The following RYR2 variants were observed in gnomAD, a reference collection of about 807,000 sequenced individuals.
RYR2 encodes cardiac muscle ryanodine receptor-calcium release channel.
In RYR2, 227 loss-of-function variants were observed where a neutral mutation model predicts 601.1. The ratio of observed to expected loss-of-function variants is 0.38; its 90% CI spans 0.34 to 0.42. RYR2 has a LOEUF of 0.42. RYR2 is among the 10% of genes least tolerant of loss of function. The pLI is 1.00. For synonymous variants in RYR2, 2,223 were observed against 2,175.1 expected, an observed-to-expected ratio of 1.02 and a Z score of -0.61; for missense variants, 4,646 against 6,156.5, an observed-to-expected ratio of 0.75 and a Z score of 8.21.
chr1:237,465,701 C>T (rs1272626273), intron 16 of RYR2, among the ~76,000 whole-genome samples: 1 of 152,158 alleles, frequency 6.6e-6, no homozygotes, highest in African/African-American at 2.4e-5. Flanking sequence ...ACTGGATGGC[C>T]TACTGCGCGT....
intron 1 of RYR2, among the ~76,000 whole-genome samples, chr1:237,144,581 C>A (rs1673774629): frequency 6.6e-6 from 1 of 152,084 alleles, no homozygotes; most frequent in African/African-American, 2.4e-5. Context: ...ACATATATTT[C>A]AAAGAGATAA....
At chr1:237,616,646 C>CA (rs1306708364) in intron 37 of RYR2, among the ~76,000 whole-genome samples, 2 of 152,106 alleles carry the variant, frequency 1.3e-5, no homozygotes, top group African/African-American at 4.8e-5. Flanking sequence ...AGACCCTTAG[C>CA]AAACTTTCCC....
chr1:237,349,638 A>C (rs542267906), intron 3 of RYR2, among the ~76,000 whole-genome samples: 1 of 152,322 alleles, frequency 6.6e-6, no homozygotes, highest in South Asian at 2.1e-4. Context: ...ATTGTCAACC[A>C]TGTTCAAAGA....
chr1:237,130,213 A>G (rs1053281883), intron 1 of RYR2, among the ~76,000 whole-genome samples: 1 of 152,238 alleles, frequency 6.6e-6, no homozygotes, highest in Non-Finnish European at 1.5e-5. Flanking sequence ...GCAAATATAC[A>G]TAATTTTTAT....
Position 237,180,709 on chromosome 1 carries a change from CACA to C in RYR2, c.49-89787_49-89785del. 6.9e-6 allele frequency among the ~76,000 whole-genome samples: 1 copy of C among 145,088 alleles called. No homozygotes were observed. The highest frequency in any genetic ancestry group is 6.9e-5 in the Admixed American group (1 of 14,412). ...ATATATGTATATATAAGTATATATACACATATATACATATACATAGATATATGC... is the reference window on the plus strand; with the variant it reads ...ATATATGTATATATAAGTATATATACTATATACATATACATAGATATATGC... On this transcript the variant is annotated intron_variant, in intron 1 of 104. Coordinates refer to ENST00000366574, the MANE Select transcript of RYR2 (RefSeq NM_001035.3). The surrounding 1 kb of genome is among the most constrained non-coding windows in gnomAD (Gnocchi z 5.3).
At chr1:237,594,630 G>C (rs1675598772) in intron 33 of RYR2, among the ~76,000 whole-genome samples, 1 of 152,072 alleles carries the variant, frequency 6.6e-6, no homozygotes, top group South Asian at 2.1e-4. Context: ...AAGGGTCATT[G>C]GATTTTATGT....
intron 29 of RYR2, among the ~76,000 whole-genome samples, 179 bp downstream of exon 29, chr1:237,569,498 A>T (rs1389069956): frequency 6.6e-6 from 1 of 152,290 alleles, no homozygotes; most frequent in Non-Finnish European, 1.5e-5. Flanking sequence ...CATTATTAGA[A>T]ATGCTATCTA....
chr1:237,207,765 TA>T (rs1681984731), intron 1 of RYR2, among the ~76,000 whole-genome samples: 4 of 152,226 alleles, frequency 2.6e-5, no homozygotes, highest in Admixed American at 1.3e-4. Flanking sequence ...AGCTATCCTC[TA>T]AAACAATTTT....
chr1:237,345,433 G>A (rs908810085), intron 3 of RYR2, among the ~76,000 whole-genome samples: 3 of 150,472 alleles, frequency 2.0e-5, no homozygotes, highest in Non-Finnish European at 4.4e-5. Flanking sequence ...TCCAGCCTGG[G>A]TGAAAGAGAG....
chr1:237,610,496 G>A lies in RYR2; in HGVS notation c.4684-266G>A, dbSNP rs1677719757. 1.3e-5 allele frequency among the ~76,000 whole-genome samples: 2 copies of A among 152,180 alleles called. No individual in the cohort carries two copies. On this transcript the variant is annotated intron_variant, in intron 35 of 104. Transcript: ENST00000366574. This position sits in a 1 kb window ranked among gnomAD's most constrained non-coding sequence, Gnocchi z 4.9. ...TATGGGTATGCTTGGCCTTCTCTCT[G>A]TGCCATTCAGTATATGGGAAAGACA... is the stretch of plus-strand genomic sequence containing the variant.
intron 38 of RYR2, among the ~76,000 whole-genome samples, chr1:237,622,740 T>C (rs980572289): frequency 3.9e-5 from 6 of 152,190 alleles, no homozygotes; most frequent in Admixed American, 2.0e-4. Context: ...GTATTATAAG[T>C]AATTTAGAGA....
intron 101 of RYR2, among the ~76,000 whole-genome samples, chr1:237,826,969 C>A (rs1558496450): frequency 6.6e-6 from 1 of 152,178 alleles, no homozygotes; most frequent in Admixed American, 6.5e-5. Context: ...CCTTTTACTT[C>A]CGGGCAACTT....
chr1:237,755,936 G>C (rs143075168), intron 80 of RYR2, among the ~76,000 whole-genome samples: 1 of 152,066 alleles, frequency 6.6e-6, no homozygotes, highest in African/African-American at 2.4e-5. Flanking sequence ...TATTCAAAAC[G>C]TGACAAACTT....
intron 2 of RYR2, among the ~76,000 whole-genome samples, chr1:237,306,443 A>G (rs1350652416): frequency 2.6e-5 from 4 of 152,202 alleles, no homozygotes; most frequent in African/African-American, 7.2e-5. Context: ...CATTTAATCT[A>G]TTTATGATAG....
At chr1:237,531,388 A>T (rs1261960750) in intron 25 of RYR2, among the ~76,000 whole-genome samples, 2 of 152,218 alleles carry the variant, frequency 1.3e-5, no homozygotes, top group Admixed American at 6.5e-5. Flanking sequence ...TATTAAAGAA[A>T]TATTCAATAA....
intron 1 of RYR2, among the ~76,000 whole-genome samples, chr1:237,100,590 T>G (rs1243543341): frequency 1.3e-5 from 2 of 152,104 alleles, no homozygotes; most frequent in African/African-American, 4.8e-5. Context: ...TTCACCATGT[T>G]GTCCAGGCTG....
intron 27 of RYR2, among the ~76,000 whole-genome samples, chr1:237,553,192 T>C (rs1334063612): frequency 6.6e-6 from 1 of 152,074 alleles, no homozygotes; most frequent in East Asian, 1.9e-4. Context: ...TCCAGAGTTT[T>C]ATTATTCTAG....
intron 71 of RYR2, among the ~76,000 whole-genome samples, chr1:237,715,647 A>G (rs2819757): frequency 0.53 from 79,828 of 151,978 alleles, 24,784 homozygotes; most frequent in Non-Finnish European, 0.69. Flanking sequence ...GTTAAAATCA[A>G]TGAAAACTCT....
At chr1:237,383,720 C>T (rs758995132) in intron 8 of RYR2, among the ~76,000 whole-genome samples, 2 of 152,192 alleles carry the variant, frequency 1.3e-5, no homozygotes, top group South Asian at 2.1e-4. Context: ...TGAGCCACCG[C>T]GCCTGGCCCT....
Sources: allele counts gnomAD v4.1 joint callset (sites outside exome capture counted in the v4.1 genomes callset), GRCh38; gene constraint gnomAD v4.1.1; non-coding constraint Gnocchi (gnomAD v3.1); transcripts MANE v1.5; gene names NCBI Gene and HGNC (gene_info 2026-07-23, HGNC 2026-07-21).